EYS: variants seen among roughly 807,000 people sequenced by gnomAD.
The protein encoded by EYS is protein eyes shut homolog.
EYS carries 250 observed loss-of-function variants against 282.1 expected under a neutral mutation model. That is an observed-to-expected ratio of 0.89 (90% confidence interval 0.80 to 0.98). EYS has a LOEUF of 0.98. Ranked by LOEUF, EYS falls within the 50% of genes least tolerant of loss-of-function variation. The pLI, the probability that EYS is intolerant of heterozygous loss-of-function variation, is 0.00. For missense variants in EYS, 4,016 were observed against 3,709.0 expected (o/e 1.08, Z -2.15); for synonymous variants, 1,355 against 1,282.9 (o/e 1.06, Z -1.20).
intron 4 of EYS, chr6:65,491,696 C>T (rs1337272766): frequency 3.2e-6 from 1 of 312,256 alleles, no homozygotes; most frequent in Non-Finnish European, 6.3e-6. Flanking sequence ...GCCAATAGGC[C>T]ACACCCTAAT....
At chr6:65,319,243 C>T (rs1447464841) in intron 11 of EYS, among the ~76,000 whole-genome samples, 6 of 144,090 alleles carry the variant, frequency 4.2e-5, no homozygotes, top group African/African-American at 1.5e-4. Context: ...AGCCGGGCAT[C>T]GTGGCACATG....
At chr6:64,796,659 CA>C (rs1774363621) in intron 22 of EYS, among the ~76,000 whole-genome samples, 1 of 152,068 alleles carries the variant, frequency 6.6e-6, no homozygotes, top group South Asian at 2.1e-4. Context: ...CTGAGGTATC[CA>C]AACTTCCATA....
At chr6:65,242,228 C>G (rs1767074464) in intron 12 of EYS, among the ~76,000 whole-genome samples, 1 of 152,016 alleles carries the variant, frequency 6.6e-6, no homozygotes, top group Admixed American at 6.5e-5. Flanking sequence ...ACCATCATCA[C>G]AAATCTAATT....
intron 22 of EYS, among the ~76,000 whole-genome samples, chr6:64,656,900 C>T (rs957044000): frequency 6.6e-6 from 1 of 152,132 alleles, no homozygotes; most frequent in African/African-American, 2.4e-5. Context: ...GAGTGATAGC[C>T]ACCCATTAGA....
Position 63,962,432 on chromosome 6 carries a change from A to C in EYS, c.7055+21951T>G, listed in dbSNP as rs191855232. Reference sequence around the variant, plus strand: ...TTACAAGAAAAAAACAAAGAACCCCATCAAAAAGTGGGCAAAGGATATGAA... The same window carrying C: ...TTACAAGAAAAAAACAAAGAACCCCCTCAAAAAGTGGGCAAAGGATATGAA... On this transcript the variant is annotated intron_variant, in intron 35 of 42. Transcript: ENST00000503581. Among the ~76,000 whole-genome samples the C allele has an allele frequency of 4.4e-3, 663 of 152,316 alleles. 3 individuals carry two copies. The highest frequency in any genetic ancestry group is 0.015 in the African/African-American group (605 of 41,572).
intron 28 of EYS, among the ~76,000 whole-genome samples, chr6:64,393,516 G>A (rs375275265): frequency 2.0e-5 from 3 of 151,818 alleles, no homozygotes; most frequent in Admixed American, 6.6e-5. Flanking sequence ...TATAAACAGA[G>A]TCAAAGACAA....
At chr6:64,024,319 T>C (rs965649214) in intron 33 of EYS, among the ~76,000 whole-genome samples, 46 of 152,120 alleles carry the variant, frequency 3.0e-4, no homozygotes, top group African/African-American at 1.1e-3. Flanking sequence ...TGTATCTAGC[T>C]ACTCTGGTGG....
chr6:63,889,425 T>C (rs1773351727), intron 35 of EYS, among the ~76,000 whole-genome samples: 1 of 152,188 alleles, frequency 6.6e-6, no homozygotes, highest in East Asian at 1.9e-4. Flanking sequence ...ACAGCTGATC[T>C]CTGCAGAAAC....
intron 35 of EYS, among the ~76,000 whole-genome samples, chr6:63,870,055 T>C (rs1219511009): frequency 6.6e-6 from 1 of 152,174 alleles, no homozygotes; most frequent in Non-Finnish European, 1.5e-5. Flanking sequence ...CTGGGCAGGA[T>C]TCAATATAAC....
intron 33 of EYS, among the ~76,000 whole-genome samples, chr6:64,025,252 C>T (rs1769436183): frequency 6.6e-6 from 1 of 152,102 alleles, no homozygotes; most frequent in Admixed American, 6.5e-5. Flanking sequence ...GTTGGTTTGC[C>T]TAGAACCAGC....
chr6:64,608,212 A>C (rs2149842519), intron 24 of EYS, among the ~76,000 whole-genome samples: 1 of 152,202 alleles, frequency 6.6e-6, no homozygotes, highest in South Asian at 2.1e-4. Flanking sequence ...ATAATCAACA[A>C]AATTTTATTT....
chr6:65,227,625 T>A (rs193275219), intron 12 of EYS, among the ~76,000 whole-genome samples: 1 of 152,256 alleles, frequency 6.6e-6, no homozygotes, highest in East Asian at 1.9e-4. Context: ...TTAACACTAA[T>A]GTTTATAGGA....
chr6:63,733,440 TC>T (rs1331168187), intron 41 of EYS, among the ~76,000 whole-genome samples: 1 of 146,400 alleles, frequency 6.8e-6, no homozygotes, highest in Non-Finnish European at 1.5e-5. Flanking sequence ...TGCCCCTCCC[TC>T]CCTACCCCCT....
intron 24 of EYS, among the ~76,000 whole-genome samples, chr6:64,613,408 G>A (rs1184898708): frequency 6.6e-6 from 1 of 151,916 alleles, no homozygotes; most frequent in East Asian, 1.9e-4. Context: ...ACAAAATTCT[G>A]GGTTTTGGTC....
At chr6:64,010,318 G>T (rs1202641786) in intron 33 of EYS, among the ~76,000 whole-genome samples, 1 of 150,368 alleles carries the variant, frequency 6.7e-6, no homozygotes, top group Non-Finnish European at 1.5e-5. Flanking sequence ...CAGGGGCAGG[G>T]TGTTGGCAGG....
chr6:64,941,151 C>A (rs12208730), intron 15 of EYS, among the ~76,000 whole-genome samples: 1 of 151,750 alleles, frequency 6.6e-6, no homozygotes, highest in African/African-American at 2.4e-5. Context: ...GAGGCTGAGG[C>A]GGGCAGGTCA....
chr6:65,295,077 A>G (rs1044479228), intron 12 of EYS, among the ~76,000 whole-genome samples: 6 of 151,936 alleles, frequency 3.9e-5, no homozygotes, highest in African/African-American at 1.4e-4. Context: ...TTTTCATGTT[A>G]CGATGAAAAT....
intron 20 of EYS, 71 bp from the exon 21 acceptor site, chr6:64,821,794 C>T: frequency 1.1e-6 from 1 of 908,366 alleles, no homozygotes; most frequent in Non-Finnish European, 1.7e-6. Context: ...GGAGTTTCAC[C>T]ATTTAAACTT....
Position 64,925,458 on chromosome 6 carries a change from C to T in EYS, c.2382-12715G>A, listed in dbSNP as rs114564379. On this transcript the variant is annotated intron_variant, in intron 15 of 42. Transcript: ENST00000503581. ...GCTTCTCAAATGCTCATTGTGGTAG[C>T]GATGTGCCTGGTGTGTCAGCAGGCC... Among the ~76,000 whole-genome samples the T allele has an allele frequency of 3.6e-3, 553 of 152,176 alleles. 4 individuals are homozygous for T. The highest frequency in any genetic ancestry group is 0.011 in the South Asian group (55 of 4,816).
Sources: allele counts gnomAD v4.1 joint callset (sites outside exome capture counted in the v4.1 genomes callset), GRCh38; gene constraint gnomAD v4.1.1; transcripts MANE v1.5; gene names NCBI Gene and HGNC (gene_info 2026-07-23, HGNC 2026-07-21).